Variants in ZFAND6 observed in about 807,000 individuals in gnomAD.
ZFAND6 encodes zinc finger AN1-type containing 6, also known as AN1-type zinc finger protein 6.
ZFAND6 carries 12 observed loss-of-function variants against 24.5 expected under a neutral mutation model. The ratio of observed to expected loss-of-function variants is 0.49; its 90% confidence interval spans 0.31 to 0.79. The LOEUF is 0.79. Among genes scored for constraint, ZFAND6 ranks in the 30% least tolerant of loss-of-function variants. The pLI, the probability that ZFAND6 is intolerant of heterozygous loss-of-function variation, is 0.04. For missense variants in ZFAND6, 207 were observed against 245.9 expected (o/e 0.84, Z 1.06); for synonymous variants, 92 against 81.5 (o/e 1.13, Z -0.69).
chr15:80,070,328 T>A (rs1025292569), intron 1 of ZFAND6, among the ~76,000 whole-genome samples: 2 of 152,252 alleles, frequency 1.3e-5, no homozygotes, highest in Non-Finnish European at 2.9e-5. Flanking sequence ...TACTTGATGC[T>A]TAAAAAGTGT....
chr15:80,093,576 T>C lies in ZFAND6; in HGVS notation c.-180-4840T>C, dbSNP rs143381270. ...ACTCCGTCTCTACTAAAATACAAAA[T>C]TAGTCGGGCATGGTGGCGCATGCCT... is the stretch of plus-strand genomic sequence containing the variant. On this transcript the variant is annotated intron_variant, in intron 1 of 6. Coordinates refer to ENST00000261749, the MANE Select transcript of ZFAND6 (RefSeq NM_019006.4). 0.02 allele frequency among the ~76,000 whole-genome samples: 3,057 copies of C among 151,900 alleles called. 217 individuals are homozygous for C. The East Asian group carries it at 0.22, about 11-fold the overall frequency.
At chr15:80,119,436 G>T (rs2142009647) in intron 2 of ZFAND6, among the ~76,000 whole-genome samples, 1 of 152,094 alleles carries the variant, frequency 6.6e-6, no homozygotes, top group African/African-American at 2.4e-5. Flanking sequence ...TGATTAATGG[G>T]TGCTCCTTTT....
chr15:80,128,624 G>A (rs4778582), intron 5 of ZFAND6, among the ~76,000 whole-genome samples: 87,400 of 152,018 alleles, frequency 0.57, 26,609 homozygotes, highest in Non-Finnish European at 0.68. Context: ...TTTGGTGACT[G>A]TTGAAATTCA....
intron 3 of ZFAND6, 37 bp downstream of exon 3, chr15:80,120,535 T>C (rs1232672374): frequency 9.7e-6 from 14 of 1,443,968 alleles, no homozygotes; most frequent in Non-Finnish European, 1.3e-5. Context: ...ATATTCATAA[T>C]TGAAATACAA....
intron 1 of ZFAND6, among the ~76,000 whole-genome samples, chr15:80,097,251 C>T (rs1414150141): frequency 1.3e-5 from 2 of 152,078 alleles, no homozygotes; most frequent in Non-Finnish European, 2.9e-5. Flanking sequence ...CTGCCTGCCT[C>T]AGCCTCCCAA....
At chr15:80,094,190 G>A (rs1223282952) in intron 1 of ZFAND6, among the ~76,000 whole-genome samples, 2 of 152,220 alleles carry the variant, frequency 1.3e-5, no homozygotes, top group African/African-American at 4.8e-5. Context: ...AAATAGACAT[G>A]TATTTCCTAT....
chr15:80,122,966 C>A, intron 5 of ZFAND6, 166 bp downstream of exon 5: 1 of 506,306 alleles, frequency 2.0e-6, no homozygotes, highest in Non-Finnish European at 3.5e-6. Context: ...TGTTGGGGAG[C>A]CATTTCACAC....
At chr15:80,059,999 A>C (rs1366197010) in intron 1 of ZFAND6, among the ~76,000 whole-genome samples, 190 bp downstream of exon 1, 1 of 150,814 alleles carries the variant, frequency 6.6e-6, no homozygotes, top group Non-Finnish European at 1.5e-5. Context: ...CGAGAGGGCG[A>C]GGACTCCCGG....
chr15:80,094,483 C>A lies in ZFAND6; in HGVS notation c.-180-3933C>A, dbSNP rs549078827. ...TCCCGCCCACCCCTACCCCCTACCCCAAAAACACACACGGAAAATTTGTCT... is the reference window on the plus strand; with the variant it reads ...TCCCGCCCACCCCTACCCCCTACCCAAAAAACACACACGGAAAATTTGTCT... On this transcript the variant is annotated intron_variant, in intron 1 of 6. Coordinates refer to ENST00000261749, the MANE Select transcript of ZFAND6 (RefSeq NM_019006.4). Among the ~76,000 whole-genome samples, 3 of 150,172 alleles carry A rather than the reference C, an allele frequency of 2.0e-5. No individual in the cohort carries two copies. In the South Asian group the frequency reaches 6.3e-4, roughly 31 times the overall value.
intron 1 of ZFAND6, among the ~76,000 whole-genome samples, chr15:80,062,857 T>C (rs1031313909): frequency 1.3e-5 from 2 of 152,200 alleles, no homozygotes; most frequent in Non-Finnish European, 2.9e-5. Context: ...TGTGTATTCT[T>C]AATATCCTAA....
At chr15:80,063,622 A>G (rs953358387) in intron 1 of ZFAND6, among the ~76,000 whole-genome samples, 2 of 151,560 alleles carry the variant, frequency 1.3e-5, no homozygotes, top group African/African-American at 4.8e-5. Context: ...CAGTGGCACA[A>G]TCTCGGCTCA....
intron 2 of ZFAND6, among the ~76,000 whole-genome samples, chr15:80,107,042 G>A (rs1037373544): frequency 3.3e-5 from 5 of 151,922 alleles, no homozygotes; most frequent in Admixed American, 6.6e-5. Context: ...GTGAAACCCC[G>A]TCTCTACTAA....
intron 6 of ZFAND6, among the ~76,000 whole-genome samples, chr15:80,135,713 T>C (rs942801130): frequency 1.3e-5 from 2 of 152,244 alleles, no homozygotes; most frequent in African/African-American, 4.8e-5. Context: ...GGTGGGAGGA[T>C]TGCTTCAGGC....
intron 2 of ZFAND6, among the ~76,000 whole-genome samples, chr15:80,109,360 C>T (rs1015037780): frequency 5.3e-5 from 8 of 151,984 alleles, no homozygotes; most frequent in African/African-American, 1.7e-4. Flanking sequence ...AGGATAAGGA[C>T]GTTGAAGAAA....
intron 1 of ZFAND6, among the ~76,000 whole-genome samples, chr15:80,088,744 T>C (rs951860649): frequency 6.6e-6 from 1 of 152,258 alleles, no homozygotes; most frequent in African/African-American, 2.4e-5. Flanking sequence ...AAGAAAATTC[T>C]GTTACGTGTG....
intron 1 of ZFAND6, among the ~76,000 whole-genome samples, chr15:80,070,122 C>T (rs926221628): frequency 6.6e-6 from 1 of 152,108 alleles, no homozygotes. Context: ...AGTGTTTGCC[C>T]TGTTCTGTAT....
At chr15:80,081,604 C>T (rs987995403) in intron 1 of ZFAND6, among the ~76,000 whole-genome samples, 3 of 152,192 alleles carry the variant, frequency 2.0e-5, no homozygotes, top group African/African-American at 7.2e-5. Context: ...TACAGCTCAG[C>T]CTTTGCCTCA....
At chr15:80,081,288 G>A (rs1481281722) in intron 1 of ZFAND6, among the ~76,000 whole-genome samples, 1 of 152,128 alleles carries the variant, frequency 6.6e-6, no homozygotes, top group East Asian at 1.9e-4. Flanking sequence ...AGTCAGATGA[G>A]CTTGTAAAGT....
intron 1 of ZFAND6, among the ~76,000 whole-genome samples, chr15:80,094,470 C>A (rs939262604): frequency 2.0e-5 from 3 of 151,976 alleles, no homozygotes; most frequent in Non-Finnish European, 4.4e-5. Flanking sequence ...CCGCCCACCC[C>A]TACCCCCTAC....
Sources: allele counts gnomAD v4.1 joint callset (sites outside exome capture counted in the v4.1 genomes callset), GRCh38; gene constraint gnomAD v4.1.1; transcripts MANE v1.5; gene names NCBI Gene and HGNC (gene_info 2026-07-23, HGNC 2026-07-21).